PTPRM: variants seen among roughly 807,000 people sequenced by gnomAD.
PTPRM encodes the protein receptor-type tyrosine-protein phosphatase mu.
In PTPRM, 47 loss-of-function variants were observed where a neutral mutation model predicts 186.7. The observed-to-expected ratio is 0.25, with a 90% confidence interval of 0.20 to 0.32. The LOEUF (loss-of-function observed/expected upper bound fraction) is 0.32, where lower values mean the gene tolerates loss of function less well. Among genes scored for constraint, PTPRM ranks in the 10% least tolerant of loss-of-function variants. PTPRM has a pLI of 1.00. For synonymous variants in PTPRM, 668 were observed against 674.9 expected (o/e 0.99, Z 0.16); for missense variants, 1,494 against 1,865.0 (o/e 0.80, Z 3.66).
rs2095773555 is a variant in PTPRM, at chr18:8,386,395, A to C, written c.4045-677A>C. 2.6e-5 allele frequency among the ~76,000 whole-genome samples: 4 copies of C among 152,014 alleles called. No individual in the cohort carries two copies. The South Asian group carries it at 8.3e-4, about 32-fold the overall frequency. Reference sequence around the variant, plus strand: ...GGGAGACTGAGGCAGAGAGAGAGGGAGGGACTGCTGTGGGAGAAGGACCAG... The same window carrying C: ...GGGAGACTGAGGCAGAGAGAGAGGGCGGGACTGCTGTGGGAGAAGGACCAG... On this transcript the variant is annotated intron_variant, in intron 30 of 32. Coordinates refer to ENST00000580170, the MANE Select transcript of PTPRM (RefSeq NM_001105244.2).
intron 11 of PTPRM, among the ~76,000 whole-genome samples, chr18:8,095,023 A>G (rs1356087281): frequency 2.6e-5 from 4 of 152,116 alleles, no homozygotes; most frequent in Non-Finnish European, 4.4e-5. Flanking sequence ...TATATCTTAC[A>G]GCTGTGCTAG....
intron 11 of PTPRM, among the ~76,000 whole-genome samples, chr18:8,092,275 G>A (rs572200884): frequency 3.5e-4 from 53 of 152,178 alleles, no homozygotes; most frequent in African/African-American, 1.3e-3. Context: ...TTTAAATCCT[G>A]AGATGGCCAA....
chr18:8,260,173 T>C (rs984209662), intron 19 of PTPRM, among the ~76,000 whole-genome samples: 14 of 151,792 alleles, frequency 9.2e-5, no homozygotes, highest in Admixed American at 7.9e-4. Flanking sequence ...GAGAATTGCT[T>C]TTTTCATTTT....
chr18:8,134,145 A>G (rs188377330), intron 13 of PTPRM, among the ~76,000 whole-genome samples: 1 of 152,324 alleles, frequency 6.6e-6, no homozygotes, highest in East Asian at 1.9e-4. Flanking sequence ...AATACTGACT[A>G]CATTGTGCAT....
intron 1 of PTPRM, among the ~76,000 whole-genome samples, chr18:7,709,646 G>T (rs1160915922): frequency 6.6e-6 from 1 of 152,002 alleles, no homozygotes; most frequent in Non-Finnish European, 1.5e-5. Context: ...AACCAAAATT[G>T]ATATATCATT....
chr18:7,801,456 T>C (rs2043964427), intron 2 of PTPRM, among the ~76,000 whole-genome samples: 1 of 152,144 alleles, frequency 6.6e-6, no homozygotes, highest in Admixed American at 6.5e-5. Flanking sequence ...TGCATAGAGC[T>C]GTCATCTCCT....
chr18:7,730,740 A>G (rs2040641870), intron 1 of PTPRM, among the ~76,000 whole-genome samples: 1 of 152,156 alleles, frequency 6.6e-6, no homozygotes, highest in Non-Finnish European at 1.5e-5. Flanking sequence ...CACTGAGGAG[A>G]GGGGTGATTA....
At chr18:7,893,390 C>T (rs2049178308) in intron 3 of PTPRM, among the ~76,000 whole-genome samples, 1 of 152,188 alleles carries the variant, frequency 6.6e-6, no homozygotes, top group Non-Finnish European at 1.5e-5. Context: ...ATTTATCAGT[C>T]ACTCCTTTCC....
intron 7 of PTPRM, among the ~76,000 whole-genome samples, chr18:8,067,573 C>G (rs2148421489): frequency 6.6e-6 from 1 of 152,242 alleles, no homozygotes; most frequent in South Asian, 2.1e-4. Context: ...CAGCAGATAT[C>G]TGGTAAATGC....
intron 2 of PTPRM, among the ~76,000 whole-genome samples, chr18:7,858,565 CAA>C (rs1226821506): frequency 6.6e-6 from 1 of 151,982 alleles, no homozygotes; most frequent in Admixed American, 6.6e-5. Context: ...TTTTAGAAAA[CAA>C]AAAATAAGTA....
intron 7 of PTPRM, among the ~76,000 whole-genome samples, chr18:8,007,948 C>T (rs1262014099): frequency 1.3e-5 from 2 of 152,132 alleles, no homozygotes; most frequent in Non-Finnish European, 2.9e-5. Context: ...TGCGTTCCTG[C>T]CTGGGCTGGA....
At chr18:7,817,887 G>T (rs1158926132) in intron 2 of PTPRM, among the ~76,000 whole-genome samples, 1 of 152,162 alleles carries the variant, frequency 6.6e-6, no homozygotes, top group Non-Finnish European at 1.5e-5. Flanking sequence ...AGCTGGAAGG[G>T]AATGAGGCTA....
chr18:7,989,819 C>T (rs1030018095), intron 7 of PTPRM, among the ~76,000 whole-genome samples: 1 of 152,208 alleles, frequency 6.6e-6, no homozygotes, highest in Non-Finnish European at 1.5e-5. Flanking sequence ...TCTCACGGGC[C>T]TCACCTTTGC....
chr18:7,648,966 A>G (rs918866859), intron 1 of PTPRM, among the ~76,000 whole-genome samples: 98 of 152,282 alleles, frequency 6.4e-4, no homozygotes, highest in African/African-American at 2.3e-3. Flanking sequence ...ATAAGTTGAG[A>G]GGAGAAGTCA....
In PTPRM at chr18:8,070,214, CTATA is replaced by C. The variant is rs141303296; in HGVS notation, c.1441+225_1441+228del. On this transcript the variant is annotated intron_variant, in intron 8 of 32. Coordinates refer to ENST00000580170, the MANE Select transcript of PTPRM (RefSeq NM_001105244.2). ...CTTTATTACTCATACAGTTACTTTT[CTATA>C]TATAATCATTCCATATTGCTCTCAA... Among the ~76,000 whole-genome samples the C allele has an allele frequency of 1.9e-3, 294 of 152,118 alleles. 1 individual carries two copies. The highest frequency in any genetic ancestry group is 6.7e-3 in the African/African-American group (277 of 41,478).
chr18:7,844,240 C>T (rs2145870088), intron 2 of PTPRM, among the ~76,000 whole-genome samples: 2 of 152,272 alleles, frequency 1.3e-5, no homozygotes, highest in South Asian at 4.2e-4. Flanking sequence ...TGTCAGTATC[C>T]TCTTACCATA....
chr18:7,839,596 C>T (rs565906206), intron 2 of PTPRM, among the ~76,000 whole-genome samples: 3 of 152,356 alleles, frequency 2.0e-5, no homozygotes, highest in Non-Finnish European at 4.4e-5. Context: ...ACTTCCCCCA[C>T]CTCTGCCCAA....
intron 2 of PTPRM, among the ~76,000 whole-genome samples, chr18:7,799,750 T>A (rs1172350776): frequency 1.3e-5 from 2 of 152,200 alleles, no homozygotes; most frequent in African/African-American, 4.8e-5. Context: ...TATTCTACAT[T>A]TTTATGTTGA....
At chr18:7,861,294 C>G (rs1274146995) in intron 2 of PTPRM, among the ~76,000 whole-genome samples, 1 of 151,974 alleles carries the variant, frequency 6.6e-6, no homozygotes, top group Non-Finnish European at 1.5e-5. Flanking sequence ...ATGGTTTGTG[C>G]TTTTAAGTTT....
Sources: allele counts gnomAD v4.1 joint callset (sites outside exome capture counted in the v4.1 genomes callset), GRCh38; gene constraint gnomAD v4.1.1; transcripts MANE v1.5; gene names NCBI Gene and HGNC (gene_info 2026-07-23, HGNC 2026-07-21).